Variants in ZC2HC1B observed in about 807,000 individuals in gnomAD.
The protein encoded by ZC2HC1B is zinc finger C2HC domain-containing protein 1B.
Under a neutral mutation model 31.0 loss-of-function variants are expected in ZC2HC1B, and 36 were observed. The ratio of observed to expected loss-of-function variants is 1.16; its 90% CI spans 0.89 to 1.54. The LOEUF (loss-of-function observed/expected upper bound fraction) is 1.54, where lower values mean the gene tolerates loss of function less well. Among genes scored for constraint, ZC2HC1B ranks in the 40% most tolerant of loss-of-function variants. The pLI is 0.00. For synonymous variants in ZC2HC1B, 73 were observed against 88.0 expected (o/e 0.83, Z 0.95); for missense variants, 260 against 268.6 (o/e 0.97, Z 0.22).
At chr6:143,902,039 A>G (rs535750280) in intron 5 of ZC2HC1B, among the ~76,000 whole-genome samples, 1 of 152,302 alleles carries the variant, frequency 6.6e-6, no homozygotes, top group South Asian at 2.1e-4. Flanking sequence ...CTGTCAGTGT[A>G]ACCAGTGACT....
intron 1 of ZC2HC1B, among the ~76,000 whole-genome samples, chr6:143,879,407 G>A (rs985185798): frequency 1.3e-5 from 2 of 152,140 alleles, no homozygotes; most frequent in African/African-American, 2.4e-5. Flanking sequence ...AATTAGATAG[G>A]ATCTGCTATC....
intron 5 of ZC2HC1B, among the ~76,000 whole-genome samples, chr6:143,902,615 A>G (rs1189690898): frequency 1.3e-5 from 2 of 152,114 alleles, no homozygotes; most frequent in Non-Finnish European, 2.9e-5. Flanking sequence ...TTGGAATTTC[A>G]TGCTTCAAAC....
intron 6 of ZC2HC1B, among the ~76,000 whole-genome samples, chr6:143,914,445 T>C (rs928724378): frequency 6.6e-6 from 1 of 152,246 alleles, no homozygotes; most frequent in Non-Finnish European, 1.5e-5. Flanking sequence ...CTTCATATGA[T>C]ATATGTCTTT....
In ZC2HC1B at chr6:143,915,667, G is replaced by T. The variant is rs994348514; in HGVS notation, c.598+12515G>T. ...GGTCTCAGATGGAGATGAGGAACTT[G>T]TTGGGAACTGGATCAAAGGTTCCTC... is the stretch of plus-strand genomic sequence containing the variant. On this transcript the variant is annotated intron_variant, in intron 6 of 7. Coordinates refer to ENST00000237275, the MANE Select transcript of ZC2HC1B (RefSeq NM_001013623.3). The surrounding 1 kb of genome is among the most constrained non-coding windows in gnomAD (Gnocchi z 5.2). Among the ~76,000 whole-genome samples the T allele has an allele frequency of 6.6e-6, 1 of 152,206 alleles. No homozygotes were observed. The highest frequency in any genetic ancestry group is 2.4e-5 in the African/African-American group (1 of 41,450).
intron 6 of ZC2HC1B, among the ~76,000 whole-genome samples, chr6:143,928,260 A>C (rs879301302): frequency 1.3e-4 from 20 of 152,130 alleles, no homozygotes; most frequent in Non-Finnish European, 2.6e-4. Context: ...CGCATCATAC[A>C]TTTCAGTCTT....
chr6:143,894,878 C>T (rs1237305810), intron 4 of ZC2HC1B, among the ~76,000 whole-genome samples: 2 of 152,170 alleles, frequency 1.3e-5, no homozygotes, highest in East Asian at 3.8e-4. Context: ...TTGGATCTAA[C>T]CGTGACTTGG....
intron 6 of ZC2HC1B, among the ~76,000 whole-genome samples, chr6:143,926,352 C>T (rs9403537): frequency 6.6e-6 from 1 of 152,254 alleles, no homozygotes; most frequent in East Asian, 1.9e-4. Flanking sequence ...ACGTTTATTT[C>T]CTTCTGTCTT....
At position 143,927,565 on chromosome 6, in the gene ZC2HC1B, T is replaced by G. The variant is rs78833511; in HGVS notation, c.599-10084T>G. Among the ~76,000 whole-genome samples the G allele has an allele frequency of 2.7e-3, 413 of 152,348 alleles. 7 individuals are homozygous for G. In the East Asian group the frequency reaches 0.043, roughly 16 times the overall value. On this transcript the variant is annotated intron_variant, in intron 6 of 7. Transcript: ENST00000237275. ...AATCATCCATTGATGGTTATTTAGG[T>G]TGATTCGGTATCTGTCATGACTAGT...
intron 4 of ZC2HC1B, among the ~76,000 whole-genome samples, chr6:143,892,894 T>C (rs1363235148): frequency 1.3e-5 from 2 of 151,824 alleles, no homozygotes; most frequent in Admixed American, 6.6e-5. Flanking sequence ...AATCCACTAA[T>C]AATTTTTTTT....
intron 1 of ZC2HC1B, among the ~76,000 whole-genome samples, chr6:143,877,116 T>G (rs758034265): frequency 6.7e-5 from 10 of 150,020 alleles, no homozygotes; most frequent in Non-Finnish European, 1.0e-4. Flanking sequence ...TTTTCTCTCT[T>G]GAAGTATTAT....
rs910262732 is a variant in ZC2HC1B at position 143,871,905 on chromosome 6, G to C, written c.28+7338G>C. On this transcript the variant is annotated intron_variant, in intron 1 of 7. Coordinates refer to ENST00000237275, the MANE Select transcript of ZC2HC1B (RefSeq NM_001013623.3). This position sits in a 1 kb window ranked among gnomAD's most constrained non-coding sequence, Gnocchi z 4.1. ...CACAGGATGAGTCCAGGGATCCACT[G>C]GACCCACTGTAATTCGGACCTGAGC... Among the ~76,000 whole-genome samples the C allele has an allele frequency of 4.6e-5, 7 of 152,042 alleles. No homozygotes were observed. Among genetic ancestry groups the C allele is most frequent in the Non-Finnish European group, 8.8e-5 (6 of 67,996 alleles).
rs981183128 is a variant in ZC2HC1B, at chr6:143,885,810, C to T, written c.91-222C>T. Among the ~76,000 whole-genome samples, 2 of 152,148 alleles carry T rather than the reference C, an allele frequency of 1.3e-5. No homozygotes were observed. Among genetic ancestry groups the T allele is most frequent in the African/African-American group, 4.8e-5 (2 of 41,426 alleles). ...CCCAAATTTGAAGTAAGTCTTTTAGCTATAAAGGCATTTTATTGTCTTTGC... is the reference window on the plus strand; with the variant it reads ...CCCAAATTTGAAGTAAGTCTTTTAGTTATAAAGGCATTTTATTGTCTTTGC... On this transcript the variant is annotated intron_variant, in intron 2 of 7. Coordinates refer to ENST00000237275, the MANE Select transcript of ZC2HC1B (RefSeq NM_001013623.3). This position sits in a 1 kb window ranked among gnomAD's most constrained non-coding sequence, Gnocchi z 4.2.
rs1471790740 is a variant in ZC2HC1B at position 143,883,816 on chromosome 6, A to G, written c.29-488A>G. On this transcript the variant is annotated intron_variant, in intron 1 of 7. Transcript: ENST00000237275. This position sits in a 1 kb window ranked among gnomAD's most constrained non-coding sequence, Gnocchi z 4.1. ...TGAATGTTTCTATGTTAGAAATTCA[A>G]TTCTTGCTTGGCCCATGCATTCAAC... Among the ~76,000 whole-genome samples, 1 of 152,194 alleles carries G rather than the reference A, an allele frequency of 6.6e-6. No homozygotes were observed. The highest frequency in any genetic ancestry group is 1.5e-5 in the Non-Finnish European group (1 of 68,034).
At position 143,884,165 on chromosome 6, in the gene ZC2HC1B, C is replaced by T; in HGVS notation, c.29-139C>T. 1 of 675,972 alleles carries T rather than the reference C, an allele frequency of 1.5e-6. No homozygotes were observed. Among genetic ancestry groups the T allele is most frequent in the Non-Finnish European group, 2.4e-6 (1 of 425,004 alleles). The allele number at this position is 675,972 out of a possible 1,614,324, so 41.9% of individuals were successfully genotyped here. ...GTGAGTTTAGTTTACACAGGGTCTT[C>T]CCAAAGGGAAGAAGCAGTTGGTGGG... On this transcript the variant is annotated intron_variant, in intron 1 of 7. Coordinates refer to ENST00000237275, the MANE Select transcript of ZC2HC1B (RefSeq NM_001013623.3). The surrounding 1 kb of genome is among the most constrained non-coding windows in gnomAD (Gnocchi z 5.1).
intron 4 of ZC2HC1B, among the ~76,000 whole-genome samples, chr6:143,890,823 T>G (rs1306078552): frequency 6.6e-6 from 1 of 152,060 alleles, no homozygotes; most frequent in Non-Finnish European, 1.5e-5. Context: ...ATACTAGGCA[T>G]AAACAATTAA....
At chr6:143,916,553 A>T (rs1021599685) in intron 6 of ZC2HC1B, among the ~76,000 whole-genome samples, 1 of 152,156 alleles carries the variant, frequency 6.6e-6, no homozygotes. Context: ...GACACTCAAC[A>T]CCAGCCCACG....
In ZC2HC1B at chr6:143,870,807, G is replaced by A. The variant is rs911709516; in HGVS notation, c.28+6240G>A. Among the ~76,000 whole-genome samples the A allele has an allele frequency of 6.6e-5, 10 of 152,204 alleles. No homozygotes were observed. The highest frequency in any genetic ancestry group is 1.9e-4 in the East Asian group (1 of 5,172). ...CCTGCCAAAGGCTCCAAACAGCATC[G>A]CCATCTGCCACTGACACCTCAAGTA... On this transcript the variant is annotated intron_variant, in intron 1 of 7. Transcript: ENST00000237275. This position sits in a 1 kb window ranked among gnomAD's most constrained non-coding sequence, Gnocchi z 4.7.
rs539436644 is a variant in ZC2HC1B, at chr6:143,913,776, TG to T, written c.598+10626del. Among the ~76,000 whole-genome samples, 26 of 152,288 alleles carry T rather than the reference TG, an allele frequency of 1.7e-4. No individual in the cohort carries two copies. The East Asian group carries it at 4.6e-3, about 27-fold the overall frequency. The stretch of plus-strand genomic sequence containing the variant: ...TCACATAGTCACTAATTGCTTCCCT[TG>T]GCTGGGGGTGGGTGTTTCCTTGGCT... On this transcript the variant is annotated intron_variant, in intron 6 of 7. Transcript: ENST00000237275. The surrounding 1 kb of genome is among the most constrained non-coding windows in gnomAD (Gnocchi z 5.7).
In ZC2HC1B at chr6:143,918,803, T is replaced by C. The variant is rs1024941859; in HGVS notation, c.598+15651T>C. ...TCCATTGTCCTGTCTTTAAGTTTGC[T>C]GAGTCTTTCCTCTGTTTGTTCAAAT... On this transcript the variant is annotated intron_variant, in intron 6 of 7. Transcript: ENST00000237275. The surrounding 1 kb of genome is among the most constrained non-coding windows in gnomAD (Gnocchi z 4.1). Among the ~76,000 whole-genome samples, 1 of 152,222 alleles carries C rather than the reference T, an allele frequency of 6.6e-6. No individual in the cohort carries two copies. The highest frequency in any genetic ancestry group is 2.4e-5 in the African/African-American group (1 of 41,468).
Sources: allele counts gnomAD v4.1 joint callset (sites outside exome capture counted in the v4.1 genomes callset), GRCh38; gene constraint gnomAD v4.1.1; non-coding constraint Gnocchi (gnomAD v3.1); transcripts MANE v1.5; gene names NCBI Gene and HGNC (gene_info 2026-07-23, HGNC 2026-07-21).